Variants in SPOCK3 observed in about 807,000 individuals in gnomAD.
The protein encoded by SPOCK3 is SPARC (osteonectin), cwcv and kazal like domains proteoglycan 3.
A neutral mutation model predicts 56.6 loss-of-function variants in SPOCK3; 30 were observed. The observed-to-expected ratio is 0.53, with a 90% confidence interval of 0.40 to 0.72. SPOCK3 has a LOEUF of 0.72. Ranked by LOEUF, SPOCK3 falls within the 30% of genes least tolerant of loss-of-function variation. SPOCK3 has a pLI of 0.00. For synonymous variants in SPOCK3, 196 were observed against 183.3 expected (o/e 1.07, Z -0.56); for missense variants, 527 against 530.0 (o/e 0.99, Z 0.06).
chr4:166,861,793 A>G (rs1013782855), intron 6 of SPOCK3, among the ~76,000 whole-genome samples: 1 of 152,102 alleles, frequency 6.6e-6, no homozygotes, highest in African/African-American at 2.4e-5. Flanking sequence ...AAACTTCAGG[A>G]AAGTCCCTAC....
chr4:166,772,310 A>G (rs1211710159), intron 7 of SPOCK3, among the ~76,000 whole-genome samples: 1 of 152,120 alleles, frequency 6.6e-6, no homozygotes, highest in Non-Finnish European at 1.5e-5. Flanking sequence ...TGTATTTCCA[A>G]AAATGCCACA....
At position 167,028,316 on chromosome 4, in the gene SPOCK3, G is replaced by A. The variant is rs10003419; in HGVS notation, c.236-27853C>T. 4.8e-3 allele frequency among the ~76,000 whole-genome samples: 722 copies of A among 151,700 alleles called. 4 individuals are homozygous for A. The highest frequency in any genetic ancestry group is 0.017 in the African/African-American group (688 of 41,354). ...CACCTGAGCCCAGGAGATTGAGGCC[G>A]TAGTGAGCTATGATCACAATGCTGC... On this transcript the variant is annotated intron_variant, in intron 3 of 10. Coordinates refer to ENST00000357545, the MANE Select transcript of SPOCK3 (RefSeq NM_001040159.2).
At chr4:167,198,314 T>C (rs535599047) in intron 2 of SPOCK3, among the ~76,000 whole-genome samples, 1 of 152,278 alleles carries the variant, frequency 6.6e-6, no homozygotes, top group East Asian at 1.9e-4. Context: ...CTAGAATATC[T>C]GGAATGGCTA....
chr4:166,752,585 C>T lies in SPOCK3; in HGVS notation c.931+1923G>A, dbSNP rs1282141051. 2.4e-3 allele frequency among the ~76,000 whole-genome samples: 97 copies of T among 40,830 alleles called. 1 individual carries two copies. Among genetic ancestry groups the T allele is most frequent in the African/African-American group, 0.024 (94 of 3,970 alleles). The allele number at this position is 40,830 out of a possible 152,430, so 26.8% of individuals were successfully genotyped here. A position where few individuals can be genotyped will look rare whatever the true frequency, so the allele number is the denominator to read the frequency against. On this transcript the variant is annotated intron_variant, in intron 8 of 10. Transcript: ENST00000357545. ...ATATATATATATATACACACACACA[C>T]ACACACACACACACACACACACACA...
At chr4:166,833,098 CGT>C (rs979153907) in intron 6 of SPOCK3, among the ~76,000 whole-genome samples, 9 of 152,026 alleles carry the variant, frequency 5.9e-5, no homozygotes, top group African/African-American at 2.2e-4. Context: ...ATATTATATA[CGT>C]GTGTGTGTGT....
At chr4:166,889,268 G>A in intron 5 of SPOCK3, 24 bp from the exon 6 acceptor site, 7 of 1,402,064 alleles carry the variant, frequency 5.0e-6, no homozygotes, top group Non-Finnish European at 7.0e-6. Context: ...GAAAAAAAAA[G>A]TAATTCAAAT....
At chr4:166,832,391 T>C (rs1056132016) in intron 6 of SPOCK3, among the ~76,000 whole-genome samples, 6 of 78,874 alleles carry the variant, frequency 7.6e-5, no homozygotes, top group African/African-American at 2.6e-4. Flanking sequence ...ATGGCTATTA[T>C]TAAAAAATCA....
chr4:166,876,815 A>T (rs1733136058), intron 6 of SPOCK3, among the ~76,000 whole-genome samples: 1 of 152,180 alleles, frequency 6.6e-6, no homozygotes, highest in South Asian at 2.1e-4. Flanking sequence ...GAATGAGCAG[A>T]ACTTGTTGCA....
At chr4:166,828,289 T>C (rs13121323) in intron 6 of SPOCK3, among the ~76,000 whole-genome samples, 5,089 of 152,116 alleles carry the variant, frequency 0.033, 122 homozygotes, top group Non-Finnish European at 0.049. Flanking sequence ...TTATTTCTTC[T>C]ACAATTTCAT....
intron 2 of SPOCK3, among the ~76,000 whole-genome samples, chr4:167,125,191 TTTTA>T (rs59279364): frequency 0.035 from 4,922 of 142,508 alleles, 169 homozygotes; most frequent in African/African-American, 0.086. Flanking sequence ...CACAGAGATT[TTTTA>T]TTTATTTATT....
In SPOCK3 at chr4:166,779,679, G is replaced by A. The variant is rs114062939; in HGVS notation, c.709+12491C>T. ...TATACATTTGAAGTTCCAGAAGAGA[G>A]AAGAGAGATAATTGTGTAAGAAAAT... On this transcript the variant is annotated intron_variant, in intron 7 of 10. Transcript: ENST00000357545. Among the ~76,000 whole-genome samples, 1,161 of 152,190 alleles carry A rather than the reference G, an allele frequency of 7.6e-3. 14 individuals carry two copies. The highest frequency in any genetic ancestry group is 0.027 in the African/African-American group (1,104 of 41,550).
At chr4:167,148,768 C>T (rs967713228) in intron 2 of SPOCK3, among the ~76,000 whole-genome samples, 2 of 151,900 alleles carry the variant, frequency 1.3e-5, no homozygotes, top group African/African-American at 4.8e-5. Context: ...GAATATAGTG[C>T]CTTCCTTGAA....
In SPOCK3 at chr4:166,912,761, C is replaced by A; in HGVS notation, c.351-18G>T. The A allele has an allele frequency of 6.3e-7, 1 of 1,587,704 alleles. No individual in the cohort carries two copies. On this transcript the variant is annotated intron_variant, in intron 4 of 10. Transcript: ENST00000357545. Reference sequence around the variant, plus strand: ...CTTTCATCCTGTTAAAAAAATAAAGCAAGCATATTGAGCATATTTATTTTA... The same window carrying A: ...CTTTCATCCTGTTAAAAAAATAAAGAAAGCATATTGAGCATATTTATTTTA...
chr4:166,754,348 T>C, intron 8 of SPOCK3, 160 bp downstream of exon 8: 1 of 1,375,060 alleles, frequency 7.3e-7, no homozygotes, highest in South Asian at 1.9e-5. Flanking sequence ...GCAGAGTTAT[T>C]TGTTCAACAT....
intron 5 of SPOCK3, among the ~76,000 whole-genome samples, chr4:166,901,365 A>G (rs1736024786): frequency 6.6e-6 from 1 of 152,154 alleles, no homozygotes; most frequent in Non-Finnish European, 1.5e-5. Flanking sequence ...TGTCCCCTGA[A>G]CGATATAGGT....
At chr4:167,201,793 T>C (rs1733544252) in intron 2 of SPOCK3, among the ~76,000 whole-genome samples, 1 of 151,908 alleles carries the variant, frequency 6.6e-6, no homozygotes, top group African/African-American at 2.4e-5. Context: ...GAATGAAATT[T>C]AAACTAATGT....
At chr4:167,201,088 A>G (rs1441538540) in intron 2 of SPOCK3, among the ~76,000 whole-genome samples, 1 of 152,030 alleles carries the variant, frequency 6.6e-6, no homozygotes, top group African/African-American at 2.4e-5. Context: ...TGATGGATAG[A>G]AAAACAGGGA....
chr4:166,768,550 A>G (rs888942695), intron 7 of SPOCK3, among the ~76,000 whole-genome samples: 23 of 152,302 alleles, frequency 1.5e-4, no homozygotes, highest in African/African-American at 4.3e-4. Flanking sequence ...TTCTGTCAAG[A>G]GATCTGCTGT....
At chr4:167,105,464 A>T (rs1240929434) in intron 2 of SPOCK3, among the ~76,000 whole-genome samples, 16 of 12,716 alleles carry the variant, frequency 1.3e-3, no homozygotes, top group African/African-American at 3.2e-3. Flanking sequence ...CACAAAAATT[A>T]AAAAAAAAAA....
Sources: gnomAD v4.1 joint callset for allele counts (sites outside exome capture counted in the v4.1 genomes callset) on GRCh38, gnomAD v4.1.1 for gene constraint, MANE v1.5 for transcripts, NCBI Gene and HGNC (gene_info 2026-07-23, HGNC 2026-07-21) for gene names.